PIK3C2G: variants seen among roughly 807,000 people sequenced by gnomAD.
PIK3C2G encodes the protein phosphatidylinositol 3-kinase C2 domain-containing subunit gamma.
Under a neutral mutation model 181.1 loss-of-function variants are expected in PIK3C2G, and 168 were observed. The ratio of observed to expected loss-of-function variants is 0.93; its 90% CI spans 0.82 to 1.05. The LOEUF is 1.05. PIK3C2G is among the 50% of genes least tolerant of loss of function. PIK3C2G has a pLI of 0.00. For synonymous variants in PIK3C2G, 573 were observed against 592.2 expected, an observed-to-expected ratio of 0.97 and a Z score of 0.47; for missense variants, 1,869 against 1,732.8, an observed-to-expected ratio of 1.08 and a Z score of -1.40.
At chr12:18,345,290 T>C (rs1226863444) in intron 10 of PIK3C2G, among the ~76,000 whole-genome samples, 2 of 152,186 alleles carry the variant, frequency 1.3e-5, no homozygotes, top group African/African-American at 2.4e-5. Context: ...ACTCTTCCGC[T>C]TCATTAATTG....
intron 18 of PIK3C2G, among the ~76,000 whole-genome samples, chr12:18,451,917 A>C (rs1200565112): frequency 1.3e-5 from 2 of 152,218 alleles, no homozygotes; most frequent in Non-Finnish European, 2.9e-5. Flanking sequence ...CCCAGGGATG[A>C]AGCCAACTTG....
At chr12:18,541,874 CAA>C (rs1250165704) in intron 25 of PIK3C2G, among the ~76,000 whole-genome samples, 11 of 151,860 alleles carry the variant, frequency 7.2e-5, no homozygotes, top group African/African-American at 9.7e-5. Flanking sequence ...AGTCAACACT[CAA>C]AGTCTCCTCT....
intron 2 of PIK3C2G, among the ~76,000 whole-genome samples, chr12:18,284,661 G>A (rs1200609761): frequency 6.6e-6 from 1 of 151,996 alleles, no homozygotes; most frequent in Non-Finnish European, 1.5e-5. Flanking sequence ...ATCTCAGCAG[G>A]AAATTAGAAA....
At chr12:18,305,309 TA>T (rs1490647459) in intron 5 of PIK3C2G, among the ~76,000 whole-genome samples, 6 of 150,824 alleles carry the variant, frequency 4.0e-5, no homozygotes, top group African/African-American at 1.5e-4. Context: ...AAGCTACTTG[TA>T]AAAATGACAG....
At chr12:18,366,156 T>C (rs1001920619) in intron 12 of PIK3C2G, among the ~76,000 whole-genome samples, 1 of 152,172 alleles carries the variant, frequency 6.6e-6, no homozygotes, top group Non-Finnish European at 1.5e-5. Flanking sequence ...CTGAACTAGC[T>C]CCCCATTTCA....
At chr12:18,627,105 A>G (rs1209612006) in intron 31 of PIK3C2G, among the ~76,000 whole-genome samples, 5 of 151,408 alleles carry the variant, frequency 3.3e-5, no homozygotes, top group Admixed American at 3.3e-4. Context: ...GATAATTTCA[A>G]ATGTTCTGTC....
intron 29 of PIK3C2G, among the ~76,000 whole-genome samples, chr12:18,575,642 G>A (rs1156322144): frequency 2.0e-5 from 3 of 152,114 alleles, no homozygotes; most frequent in Non-Finnish European, 4.4e-5. Context: ...TCCAAGTGAG[G>A]TAGAGAAGGC....
chr12:18,539,266 T>C (rs1944024705), intron 25 of PIK3C2G, among the ~76,000 whole-genome samples: 1 of 151,912 alleles, frequency 6.6e-6, no homozygotes, highest in African/African-American at 2.4e-5. Flanking sequence ...AACATCTACC[T>C]TGTAGAGTTA....
intron 15 of PIK3C2G, among the ~76,000 whole-genome samples, chr12:18,395,011 TTC>T (rs1438943192): frequency 2.6e-4 from 38 of 145,364 alleles, no homozygotes; most frequent in African/African-American, 8.9e-4. Context: ...TCTTTCTTTC[TTC>T]TTTTTCTTTC....
At chr12:18,682,114 CTT>C in the PIK3C2G span, among the ~76,000 whole-genome samples, 1 of 152,008 alleles carries the variant, frequency 6.6e-6, no homozygotes, top group Non-Finnish European at 1.5e-5. Context: ...TCCAACAGCC[CTT>C]GAGGTGGAAA....
intron 31 of PIK3C2G, among the ~76,000 whole-genome samples, chr12:18,639,967 T>G (rs1949772095): frequency 6.6e-6 from 1 of 151,552 alleles, no homozygotes; most frequent in African/African-American, 2.4e-5. Flanking sequence ...TATTTTATTT[T>G]AAAATGTGAT....
At chr12:18,564,003 G>A in intron 28 of PIK3C2G, among the ~76,000 whole-genome samples, 1 of 150,562 alleles carries the variant, frequency 6.6e-6, no homozygotes, top group African/African-American at 2.4e-5. Context: ...AAATGTAAAT[G>A]TATTTATATC....
At position 18,282,735 on chromosome 12, in the gene PIK3C2G, A is replaced by G; in HGVS notation, c.654A>G (p.Glu218=). 6.2e-7 allele frequency: 1 copy of G among 1,609,090 alleles called. No individual in the cohort carries two copies. The highest frequency in any genetic ancestry group is 8.5e-7 in the Non-Finnish European group (1 of 1,177,772). ...GCTCTCTTCAACCCGGAATGTGGGAAAGTACATGGCAGAAGAATATAGAGG... is the reference window on the plus strand; with the variant it reads ...GCTCTCTTCAACCCGGAATGTGGGAGAGTACATGGCAGAAGAATATAGAGG... ...LKGSLQPGMW[E]STWQKNIESI... Residue 218 remains glutamate (E), a synonymous_variant, in exon 2 of 33, where the codon GAA becomes GAG. Transcript: ENST00000538779.
chr12:18,691,270 G>C, the PIK3C2G span, among the ~76,000 whole-genome samples: 3 of 152,142 alleles, frequency 2.0e-5, no homozygotes, highest in Admixed American at 6.6e-5. Flanking sequence ...ATTTAAGTAA[G>C]AGCAGAAGTA....
chr12:18,438,942 G>A (rs556218159), intron 18 of PIK3C2G, among the ~76,000 whole-genome samples: 1 of 151,676 alleles, frequency 6.6e-6, no homozygotes, highest in Non-Finnish European at 1.5e-5. Flanking sequence ...ATATGTTTTT[G>A]GAGTCATTTA....
the PIK3C2G span, among the ~76,000 whole-genome samples, chr12:18,722,817 A>G: frequency 2.6e-5 from 4 of 152,088 alleles, no homozygotes; most frequent in Admixed American, 2.6e-4. Context: ...AATGTTGTAG[A>G]TAATTATATT....
At chr12:18,373,516 T>G (rs1942217968) in intron 13 of PIK3C2G, among the ~76,000 whole-genome samples, 1 of 152,078 alleles carries the variant, frequency 6.6e-6, no homozygotes. Context: ...AAAATAAACT[T>G]CTACATTTTC....
chr12:18,353,767 A>G (rs866364633), intron 11 of PIK3C2G, among the ~76,000 whole-genome samples: 2 of 152,200 alleles, frequency 1.3e-5, no homozygotes, highest in South Asian at 4.1e-4. Flanking sequence ...ATGCCTCACC[A>G]GAATCAGAAG....
chr12:18,383,772 A>G (rs956954197), intron 14 of PIK3C2G, among the ~76,000 whole-genome samples: 1 of 151,608 alleles, frequency 6.6e-6, no homozygotes, highest in African/African-American at 2.4e-5. Context: ...AAACAGGAAG[A>G]TCGGATATGT....
Sources: allele counts gnomAD v4.1 joint callset (sites outside exome capture counted in the v4.1 genomes callset), GRCh38; gene constraint gnomAD v4.1.1; transcripts MANE v1.5; gene names NCBI Gene and HGNC (gene_info 2026-07-23, HGNC 2026-07-21).